ASIC2: variants seen among roughly 807,000 people sequenced by gnomAD.
The protein encoded by ASIC2 is acid-sensing ion channel 2.
ASIC2 carries 25 observed loss-of-function variants against 57.3 expected under a neutral mutation model. The ratio of observed to expected loss-of-function variants is 0.44; its 90% CI spans 0.32 to 0.61. The LOEUF (loss-of-function observed/expected upper bound fraction) is 0.61. Among genes scored for constraint, ASIC2 ranks in the 20% least tolerant of loss-of-function variants. ASIC2 has a pLI of 0.06. For missense variants in ASIC2, 641 were observed against 738.1 expected (o/e 0.87, Z 1.52); for synonymous variants, 319 against 307.5 (o/e 1.04, Z -0.39).
chr17:34,036,467 A>T (rs1170395502), intron 1 of ASIC2, among the ~76,000 whole-genome samples: 1 of 151,766 alleles, frequency 6.6e-6, no homozygotes, highest in Non-Finnish European at 1.5e-5. Context: ...GCACATGTAT[A>T]CATATGTAAC....
chr17:33,742,397 T>G lies in ASIC2; in HGVS notation c.555+413581A>C, dbSNP rs145507290. Among the ~76,000 whole-genome samples, 17 of 152,312 alleles carry G rather than the reference T, an allele frequency of 1.1e-4. 1 individual carries two copies. In the East Asian group the frequency reaches 3.1e-3, roughly 28 times the overall value. ...ACTTATCCTTAAGTTGAAGCACATT[T>G]TTTTGATCCCCACTCCCCAACTGGA... On this transcript the variant is annotated intron_variant, in intron 1 of 9. Coordinates refer to the ASIC2 transcript ENST00000359872.
intron 1 of ASIC2, among the ~76,000 whole-genome samples, chr17:33,579,113 C>T (rs371863434): frequency 1.8e-4 from 27 of 151,900 alleles, no homozygotes; most frequent in African/African-American, 5.8e-4. Flanking sequence ...GGTGAAACCC[C>T]GTCTCTACTA....
chr17:33,979,202 G>A (rs910365309), intron 1 of ASIC2, among the ~76,000 whole-genome samples: 27 of 152,262 alleles, frequency 1.8e-4, no homozygotes, highest in African/African-American at 4.3e-4. Flanking sequence ...CATCAGAGCC[G>A]TGACCTTGGC....
At chr17:33,791,680 G>T (rs541079189) in intron 1 of ASIC2, among the ~76,000 whole-genome samples, 3 of 152,158 alleles carry the variant, frequency 2.0e-5, no homozygotes, top group South Asian at 2.1e-4. Context: ...GGCAAAGAAA[G>T]CATGGTGGCT....
intron 1 of ASIC2, among the ~76,000 whole-genome samples, chr17:33,995,890 G>A (rs1332404106): frequency 6.6e-6 from 1 of 152,100 alleles, no homozygotes; most frequent in African/African-American, 2.4e-5. Context: ...AGGATTGCTG[G>A]ATCAAAAGAG....
intron 1 of ASIC2, among the ~76,000 whole-genome samples, chr17:33,718,131 C>T (rs1027448186): frequency 3.3e-5 from 5 of 152,238 alleles, no homozygotes; most frequent in Non-Finnish European, 5.9e-5. Flanking sequence ...GTATAGGATT[C>T]GCACATAACC....
chr17:33,315,654 A>G (rs2142209953), intron 1 of ASIC2, among the ~76,000 whole-genome samples: 1 of 152,348 alleles, frequency 6.6e-6, no homozygotes, highest in South Asian at 2.1e-4. Context: ...TTTTCTTGGC[A>G]TTACATTCCC....
At chr17:33,602,227 G>A (rs1158062389) in intron 1 of ASIC2, among the ~76,000 whole-genome samples, 3 of 152,182 alleles carry the variant, frequency 2.0e-5, no homozygotes, top group African/African-American at 7.2e-5. Flanking sequence ...AATTTTTGGA[G>A]CCAGAAGCCA....
intron 1 of ASIC2, among the ~76,000 whole-genome samples, chr17:33,791,372 AG>A (rs1911765833): frequency 6.6e-6 from 1 of 152,214 alleles, no homozygotes; most frequent in Non-Finnish European, 1.5e-5. Flanking sequence ...GGGTGTAAAT[AG>A]GCTATCAGGT....
chr17:33,418,975 A>G (rs1055609382), intron 1 of ASIC2, among the ~76,000 whole-genome samples: 3 of 152,010 alleles, frequency 2.0e-5, no homozygotes, highest in African/African-American at 7.3e-5. Context: ...TGGGGGAGGG[A>G]TAGCATTAGG....
At position 33,496,780 on chromosome 17, in the gene ASIC2, G is replaced by A. The variant is rs528587346; in HGVS notation, c.556-384713C>T. ...TTACAAGTGTGCACCACCATGCCCAGCTAATTGTTCTATTTTTAGTAGAGA... is the reference window on the plus strand; with the variant it reads ...TTACAAGTGTGCACCACCATGCCCAACTAATTGTTCTATTTTTAGTAGAGA... On this transcript the variant is annotated intron_variant, in intron 1 of 9. Transcript: ENST00000359872. Among the ~76,000 whole-genome samples, 273 of 152,008 alleles carry A rather than the reference G, an allele frequency of 1.8e-3. 3 individuals carry two copies. Among genetic ancestry groups the A allele is most frequent in the African/African-American group, 6.4e-3 (266 of 41,450 alleles).
chr17:33,639,901 T>C (rs1041512657), intron 1 of ASIC2, among the ~76,000 whole-genome samples: 1 of 152,076 alleles, frequency 6.6e-6, no homozygotes, highest in African/African-American at 2.4e-5. Context: ...TAAAGTGCCC[T>C]TTGAGCAATT....
rs370453271 is a variant in ASIC2, at chr17:33,209,333, C to T, written c.708+82075G>A. 2.6e-4 allele frequency among the ~76,000 whole-genome samples: 39 copies of T among 152,224 alleles called. No homozygotes were observed. The South Asian group carries it at 7.3e-3, about 28-fold the overall frequency. ...TCAACTTATGAGCAAGTCTATAGGT[C>T]AGCCATACAAATAATTTGTCCTTGT... On this transcript the variant is annotated intron_variant, in intron 1 of 9. Transcript: ENST00000225823.
intron 1 of ASIC2, among the ~76,000 whole-genome samples, chr17:33,848,477 C>CA (rs1913674824): frequency 6.6e-6 from 1 of 152,170 alleles, no homozygotes; most frequent in Non-Finnish European, 1.5e-5. Context: ...AGAGGACAGG[C>CA]ACTGAGCTGC....
chr17:34,068,520 T>C (rs1346472421), intron 1 of ASIC2, among the ~76,000 whole-genome samples: 2 of 152,160 alleles, frequency 1.3e-5, no homozygotes, highest in Admixed American at 6.5e-5. Context: ...CCTCTGCCAC[T>C]AAATAACTTT....
At chr17:34,000,344 T>C (rs1032614698) in intron 1 of ASIC2, among the ~76,000 whole-genome samples, 4 of 149,402 alleles carry the variant, frequency 2.7e-5, no homozygotes, top group African/African-American at 1.0e-4. Context: ...CTCCACCTCC[T>C]GGGTTCAAGC....
In ASIC2 at chr17:33,799,384, T is replaced by TCC. The variant is rs1188727650; in HGVS notation, c.555+356593_555+356594insGG. Among the ~76,000 whole-genome samples, 3 of 28,726 alleles carry TCC rather than the reference T, an allele frequency of 1.0e-4. 1 individual carries two copies. The East Asian group carries it at 1.2e-3, about 12-fold the overall frequency. The allele number at this position is 28,726 out of a possible 152,430, so 18.8% of individuals were successfully genotyped here. A position where few individuals can be genotyped will look rare whatever the true frequency, so the allele number is the denominator to read the frequency against. ...TTTCTTTCTTTCTTTCTTCCTTTCT[T>TCC]TCTTTCTTTCTTTCTTTCTTTTCTT... is the stretch of plus-strand genomic sequence containing the variant. On this transcript the variant is annotated intron_variant, in intron 1 of 9. Transcript: ENST00000359872.
At chr17:33,319,162 G>A (rs777810950) in intron 1 of ASIC2, among the ~76,000 whole-genome samples, 11 of 152,284 alleles carry the variant, frequency 7.2e-5, no homozygotes, top group Non-Finnish European at 1.5e-4. Flanking sequence ...CCCGGGATGC[G>A]GAGCTTGCAG....
At chr17:33,310,332 C>A (rs1451528665) in intron 1 of ASIC2, among the ~76,000 whole-genome samples, 1 of 152,064 alleles carries the variant, frequency 6.6e-6, no homozygotes, top group African/African-American at 2.4e-5. Flanking sequence ...AGGAATAGGT[C>A]CCTCATCTTT....
Sources: allele counts gnomAD v4.1 joint callset (sites outside exome capture counted in the v4.1 genomes callset), GRCh38; gene constraint gnomAD v4.1.1; transcripts MANE v1.5; gene names NCBI Gene and HGNC (gene_info 2026-07-23, HGNC 2026-07-21).